Variants in DLG2 observed in about 807,000 individuals in gnomAD.
DLG2 encodes disks large homolog 2.
DLG2 carries 45 observed loss-of-function variants against 132.5 expected under a neutral mutation model. That is an observed-to-expected ratio of 0.34 (90% CI 0.27 to 0.44). DLG2 has a LOEUF of 0.44. Ranked by LOEUF, DLG2 falls within the 20% of genes least tolerant of loss-of-function variation. The probability of loss-of-function intolerance (pLI) is 1.00; values close to 1 mark genes in which losing one functional copy is unlikely to be tolerated. For synonymous variants in DLG2, 424 were observed against 419.6 expected (o/e 1.01, Z -0.13); for missense variants, 1,045 against 1,196.9 (o/e 0.87, Z 1.87).
At chr11:84,550,133 C>A (rs1311943561) in intron 6 of DLG2, among the ~76,000 whole-genome samples, 1 of 151,830 alleles carries the variant, frequency 6.6e-6, no homozygotes, top group Non-Finnish European at 1.5e-5. Flanking sequence ...CACACACACA[C>A]ACACACACAC....
chr11:84,656,421 A>G (rs2099688345), intron 6 of DLG2, among the ~76,000 whole-genome samples: 1 of 152,210 alleles, frequency 6.6e-6, no homozygotes, highest in Non-Finnish European at 1.5e-5. Context: ...GCAAAACAAT[A>G]TAATACACTG....
intron 19 of DLG2, among the ~76,000 whole-genome samples, chr11:83,547,107 G>A (rs2096261870): frequency 6.6e-6 from 1 of 152,124 alleles, no homozygotes; most frequent in African/African-American, 2.4e-5. Context: ...GACCTTAAAA[G>A]TATTGGTGTT....
chr11:84,374,246 T>C (rs974082552), intron 7 of DLG2, among the ~76,000 whole-genome samples: 3 of 152,200 alleles, frequency 2.0e-5, no homozygotes, highest in Non-Finnish European at 4.4e-5. Context: ...TCTCCAACTA[T>C]TCTCCTAACT....
chr11:84,940,684 C>T (rs1307445119), intron 6 of DLG2, among the ~76,000 whole-genome samples: 1 of 152,102 alleles, frequency 6.6e-6, no homozygotes, highest in Non-Finnish European at 1.5e-5. Flanking sequence ...TGGGTTTTCT[C>T]TTCAGTTTGT....
chr11:85,021,872 T>C (rs566043811), intron 6 of DLG2, among the ~76,000 whole-genome samples: 1 of 152,232 alleles, frequency 6.6e-6, no homozygotes, highest in South Asian at 2.1e-4. Context: ...TCACACGTCA[T>C]GGAACTATAC....
chr11:84,806,042 A>G (rs1411769663), intron 6 of DLG2, among the ~76,000 whole-genome samples: 1 of 152,228 alleles, frequency 6.6e-6, no homozygotes, highest in East Asian at 1.9e-4. Context: ...GATAAATGAA[A>G]TACCATACAA....
At chr11:84,048,415 G>A (rs2154116563) in intron 11 of DLG2, among the ~76,000 whole-genome samples, 1 of 151,672 alleles carries the variant, frequency 6.6e-6, no homozygotes, top group Middle Eastern at 3.4e-3. Flanking sequence ...AGTGTTTTGA[G>A]AACTCATGCC....
rs889531391 is a variant in DLG2, at chr11:85,307,992, T to TA, written c.41-22628dup. ...CAACATGGTGAAACTCCTTCTCTAC[T>TA]AAAAATACAAAAATTAGCTGGGTGT... On this transcript the variant is annotated intron_variant, in intron 3 of 27. Coordinates refer to ENST00000376104, the MANE Select transcript of DLG2 (RefSeq NM_001142699.3). 3.0e-4 allele frequency among the ~76,000 whole-genome samples: 46 copies of TA among 151,826 alleles called. 1 individual carries two copies. Among genetic ancestry groups the TA allele is most frequent in the African/African-American group, 6.8e-4 (28 of 41,424 alleles).
intron 10 of DLG2, among the ~76,000 whole-genome samples, chr11:84,084,897 T>A (rs1436452680): frequency 6.6e-6 from 1 of 152,190 alleles, no homozygotes; most frequent in Non-Finnish European, 1.5e-5. Context: ...TCCACTGATC[T>A]CCACCCTGCT....
intron 19 of DLG2, among the ~76,000 whole-genome samples, chr11:83,629,914 T>G (rs1237730222): frequency 2.0e-5 from 3 of 152,194 alleles, no homozygotes. Flanking sequence ...TTAAATGAAC[T>G]ACATGTTTCA....
At chr11:84,269,957 T>A (rs554371158) in intron 7 of DLG2, among the ~76,000 whole-genome samples, 1 of 152,206 alleles carries the variant, frequency 6.6e-6, no homozygotes, top group Admixed American at 6.5e-5. Context: ...TGGGCACTTG[T>A]CCTGTCTAGA....
chr11:84,898,052 T>C (rs2090426201), intron 6 of DLG2, among the ~76,000 whole-genome samples: 1 of 151,946 alleles, frequency 6.6e-6, no homozygotes, highest in Non-Finnish European at 1.5e-5. Context: ...AATAACTCAG[T>C]GTGAAAAATA....
chr11:83,899,467 T>C (rs532522034), intron 15 of DLG2, among the ~76,000 whole-genome samples: 1 of 152,326 alleles, frequency 6.6e-6, no homozygotes, highest in Admixed American at 6.5e-5. Context: ...AATTCTCACC[T>C]TGTGGCTCCC....
At chr11:85,142,332 GT>G (rs1212592551) in intron 5 of DLG2, among the ~76,000 whole-genome samples, 2 of 151,554 alleles carry the variant, frequency 1.3e-5, no homozygotes, top group Non-Finnish European at 3.0e-5. Flanking sequence ...GTAAATGGGA[GT>G]TTTTTTCTTG....
chr11:85,331,288 G>A (rs772523687), intron 3 of DLG2, among the ~76,000 whole-genome samples: 1 of 151,824 alleles, frequency 6.6e-6, no homozygotes, highest in Non-Finnish European at 1.5e-5. Flanking sequence ...AAGGGTTCCT[G>A]GCCAAAAAAA....
intron 21 of DLG2, among the ~76,000 whole-genome samples, chr11:83,499,896 T>TA (rs1336607597): frequency 9.1e-6 from 1 of 110,078 alleles, no homozygotes; most frequent in East Asian, 2.6e-4. Context: ...TATATATATA[T>TA]ATCAGTTCTG....
chr11:83,772,820 A>G (rs566304139), intron 18 of DLG2, among the ~76,000 whole-genome samples: 1 of 152,200 alleles, frequency 6.6e-6, no homozygotes, highest in East Asian at 1.9e-4. Flanking sequence ...GTATTCCTCT[A>G]TGGTCTTAGT....
At chr11:85,356,177 A>T (rs558538401) in intron 3 of DLG2, among the ~76,000 whole-genome samples, 104 of 152,334 alleles carry the variant, frequency 6.8e-4, no homozygotes, top group African/African-American at 2.5e-3. Flanking sequence ...TTTCTGGGAA[A>T]TCATTCTCTA....
At chr11:84,807,986 C>T (rs1275570571) in intron 6 of DLG2, among the ~76,000 whole-genome samples, 1 of 152,086 alleles carries the variant, frequency 6.6e-6, no homozygotes, top group African/African-American at 2.4e-5. Context: ...ACACCATCAG[C>T]CATCAGAATC....
Sources: gnomAD v4.1 joint callset for allele counts (sites outside exome capture counted in the v4.1 genomes callset) on GRCh38, gnomAD v4.1.1 for gene constraint, MANE v1.5 for transcripts, NCBI Gene and HGNC (gene_info 2026-07-23, HGNC 2026-07-21) for gene names.